The following KLHL23 variants were observed in gnomAD, a reference collection of about 807,000 sequenced individuals.
KLHL23 encodes kelch like family member 23, also known as kelch-like protein 23.
Under a neutral mutation model 48.9 loss-of-function variants are expected in KLHL23, and 33 were observed. The ratio of observed to expected loss-of-function variants is 0.67; its 90% CI spans 0.51 to 0.90. The LOEUF (loss-of-function observed/expected upper bound fraction) is 0.90. Among genes scored for constraint, KLHL23 ranks in the 40% least tolerant of loss-of-function variants. KLHL23 has a pLI of 0.00. For synonymous variants in KLHL23, 234 were observed against 231.6 expected (o/e 1.01, Z -0.09); for missense variants, 608 against 669.6 (o/e 0.91, Z 1.02).
Position 169,750,043 on chromosome 2 carries a change from A to ACGCGT in KLHL23, c.*311_*312insCGCGT, listed in dbSNP as rs11444477. ...TGTATGTATACATATGTGTATATATAGTATGTATGTATACATGTATGTGTA... is the reference window on the plus strand; with the variant it reads ...TGTATGTATACATATGTGTATATATACGCGTGTATGTATGTATACATGTATGTGTA... On this transcript the variant is annotated 3_prime_UTR_variant, in exon 4 of 4. Transcript: ENST00000392647. 4.7e-5 allele frequency: 1 copy of ACGCGT among 21,342 alleles called. No homozygotes were observed. Among genetic ancestry groups the ACGCGT allele is most frequent in the Non-Finnish European group, 1.1e-4 (1 of 9,276 alleles). The allele number at this position is 21,342 out of a possible 1,614,324, so 1.3% of individuals were successfully genotyped here.
rs371299925 is a variant in KLHL23, at chr2:169,741,513, C to G, written c.1342C>G (p.Leu448Val). The G allele has an allele frequency of 4.3e-6, 7 of 1,613,658 alleles. No individual in the cohort carries two copies. Among genetic ancestry groups the G allele is most frequent in the Non-Finnish European group, 5.9e-6 (7 of 1,179,832 alleles). Residue 448 changes from leucine (L) to valine (V), a missense_variant, in exon 3 of 4, where the codon CTC becomes GTC. Coordinates refer to ENST00000392647, the MANE Select transcript of KLHL23 (RefSeq NM_144711.6). ...SYNSDINEWS[L>V]ITSSPHPEYG... Reference sequence around the variant, plus strand: ...CAATTCCGATATCAACGAATGGAGCCTCATCACCTCCAGTCCACATCCAGG... The same window carrying G: ...CAATTCCGATATCAACGAATGGAGCGTCATCACCTCCAGTCCACATCCAGG...
intron 2 of KLHL23, among the ~76,000 whole-genome samples, chr2:169,738,814 T>TTTCTTCATCTTCCCC (rs1688577761): frequency 7.4e-6 from 1 of 135,758 alleles, no homozygotes. Flanking sequence ...TCATCTTCCC[T>TTTCTTCATCTTCCCC]CCAAACCTAT....
intron 2 of KLHL23, among the ~76,000 whole-genome samples, chr2:169,740,571 C>T (rs563961255): frequency 1.3e-5 from 2 of 150,790 alleles, no homozygotes; most frequent in African/African-American, 4.9e-5. Context: ...GCCTCAGCCT[C>T]CCGAGTAGCT....
At chr2:169,734,489 G>A (rs1416027534) in intron 1 of KLHL23, among the ~76,000 whole-genome samples, 1 of 152,010 alleles carries the variant, frequency 6.6e-6, no homozygotes, top group Non-Finnish European at 1.5e-5. Context: ...GGGCTGCGCC[G>A]AGCTGCCTTC....
intron 3 of KLHL23, 74 bp from the exon 4 acceptor site, chr2:169,749,348 A>G: frequency 2.1e-6 from 3 of 1,409,782 alleles, no homozygotes; most frequent in Non-Finnish European, 2.8e-6. Flanking sequence ...GGATTATTAC[A>G]TTACCACACT....
chr2:169,741,565 T>G, intron 3 of KLHL23, 28 bp downstream of exon 3: 1 of 1,589,886 alleles, frequency 6.3e-7, no homozygotes, highest in Non-Finnish European at 8.6e-7. Flanking sequence ...TCAAATAGTG[T>G]ATGTTGTGAT....
Position 169,751,257 on chromosome 2 carries a change from T to C in KLHL23, c.*1525T>C, listed in dbSNP as rs186195030. The C allele has an allele frequency of 1.3e-5, 2 of 152,354 alleles. No homozygotes were observed. Among genetic ancestry groups the C allele is most frequent in the Admixed American group, 1.3e-4 (2 of 15,304 alleles). The allele number at this position is 152,354 out of a possible 1,614,324, so 9.4% of individuals were successfully genotyped here. ...ACTCCTTTACACCATTAGTTATCTG[T>C]GAGACCATCTATTCCACACTCTTCA... On this transcript the variant is annotated 3_prime_UTR_variant, in exon 4 of 4. Coordinates refer to ENST00000392647, the MANE Select transcript of KLHL23 (RefSeq NM_144711.6).
At chr2:169,748,475 A>G (rs1443302861) in intron 3 of KLHL23, among the ~76,000 whole-genome samples, 1 of 152,216 alleles carries the variant, frequency 6.6e-6, no homozygotes, top group African/African-American at 2.4e-5. Context: ...GTGAACTGAC[A>G]GGCTAGGAGT....
At chr2:169,749,261 T>G (rs1443227369) in intron 3 of KLHL23, among the ~76,000 whole-genome samples, 161 bp from the exon 4 acceptor site, 1 of 152,214 alleles carries the variant, frequency 6.6e-6, no homozygotes, top group African/African-American at 2.4e-5. Flanking sequence ...GGAATGATTT[T>G]CAGCCTCAGC....
chr2:169,739,181 G>C (rs1295883578), intron 2 of KLHL23, among the ~76,000 whole-genome samples: 4 of 147,708 alleles, frequency 2.7e-5, no homozygotes. Flanking sequence ...CAGTCATCAA[G>C]ACCTGTGTGT....
Position 169,733,897 on chromosome 2 carries a change from C to CG in KLHL23, c.-187dup. On this transcript the variant is annotated 5_prime_UTR_variant, in exon 1 of 4. Coordinates refer to ENST00000392647, the MANE Select transcript of KLHL23 (RefSeq NM_144711.6). ...CGAGTGGCCTCGCGCCCAGACCGTG[C>CG]GGGGGGCTGTTCGGGTGGAGGCGGG... is the stretch of plus-strand genomic sequence containing the variant. 6.6e-6 allele frequency: 1 copy of CG among 152,158 alleles called. No homozygotes were observed. Among genetic ancestry groups the CG allele is most frequent in the Non-Finnish European group, 1.5e-5 (1 of 68,052 alleles). 9.4% of individuals were successfully genotyped at this position (152,158 alleles called of 1,614,324 possible). A position where few individuals can be genotyped will look rare whatever the true frequency, so the allele number is the denominator to read the frequency against.
chr2:169,739,596 C>T (rs1303405159), intron 2 of KLHL23, among the ~76,000 whole-genome samples: 1 of 152,210 alleles, frequency 6.6e-6, no homozygotes, highest in Non-Finnish European at 1.5e-5. Context: ...ATTCCACCAC[C>T]ACCTGCTGTG....
At position 169,749,953 on chromosome 2, in the gene KLHL23, A is replaced by G. The variant is rs1688906372; in HGVS notation, c.*221A>G. The G allele has an allele frequency of 1.4e-5, 2 of 146,204 alleles. No homozygotes were observed. Among genetic ancestry groups the G allele is most frequent in the African/African-American group, 8.2e-5 (1 of 12,234 alleles). The allele number at this position is 146,204 out of a possible 1,614,324, so 9.1% of individuals were successfully genotyped here. On this transcript the variant is annotated 3_prime_UTR_variant, in exon 4 of 4. Coordinates refer to ENST00000392647, the MANE Select transcript of KLHL23 (RefSeq NM_144711.6). ...TATACACACACACATATATGTGTTC[A>G]TATATATGTATACATATATATGTGT...
intron 3 of KLHL23, among the ~76,000 whole-genome samples, chr2:169,746,811 C>CT (rs1365845814): frequency 2.6e-5 from 4 of 152,020 alleles, no homozygotes; most frequent in African/African-American, 9.7e-5. Context: ...TAAGAAAAGC[C>CT]TAGTGAGTGA....
chr2:169,747,116 G>T (rs1688808601), intron 3 of KLHL23, among the ~76,000 whole-genome samples: 1 of 152,030 alleles, frequency 6.6e-6, no homozygotes, highest in Non-Finnish European at 1.5e-5. Flanking sequence ...AGGCACGGTG[G>T]CTCACGCCTG....
intron 2 of KLHL23, among the ~76,000 whole-genome samples, chr2:169,737,619 C>CTTTTTCT (rs559574848): frequency 0.15 from 21,635 of 142,336 alleles, 1,652 homozygotes; most frequent in Middle Eastern, 0.24. Context: ...TTTTCTTTTT[C>CTTTTTCT]TTTTTTTTTT....
intron 3 of KLHL23, among the ~76,000 whole-genome samples, chr2:169,749,062 T>C (rs1688876390): frequency 6.6e-6 from 1 of 152,192 alleles, no homozygotes; most frequent in Non-Finnish European, 1.5e-5. Flanking sequence ...CGAGGGTATC[T>C]TTCTATAAGG....
chr2:169,749,775 T>C lies in KLHL23; in HGVS notation c.*43T>C, dbSNP rs746522289. The C allele has an allele frequency of 1.5e-5, 23 of 1,532,382 alleles. No homozygotes were observed. 94.9% of individuals were successfully genotyped at this position (1,532,382 alleles called of 1,614,324 possible). A position where few individuals can be genotyped will look rare whatever the true frequency, so the allele number is the denominator to read the frequency against. On this transcript the variant is annotated 3_prime_UTR_variant, in exon 4 of 4. Transcript: ENST00000392647. ...ACCAAGCAATCACTTTTTTGGAGTATAGTTTTATAAAAAAAGAATGCAGGG... is the reference window on the plus strand; with the variant it reads ...ACCAAGCAATCACTTTTTTGGAGTACAGTTTTATAAAAAAAGAATGCAGGG...
intron 2 of KLHL23, chr2:169,740,988 A>T (rs1181618556): frequency 1.3e-5 from 2 of 157,712 alleles, no homozygotes; most frequent in Admixed American, 6.2e-5. Flanking sequence ...ATCCTCTCCT[A>T]TGATAATAAT....
Sources: gnomAD v4.1 joint callset for allele counts (sites outside exome capture counted in the v4.1 genomes callset) on GRCh38, gnomAD v4.1.1 for gene constraint, MANE v1.5 for transcripts, NCBI Gene and HGNC (gene_info 2026-07-23, HGNC 2026-07-21) for gene names.